The following EYS variants were observed in gnomAD, a reference collection of about 807,000 sequenced individuals.
EYS encodes protein eyes shut homolog.
EYS carries 250 observed loss-of-function variants against 282.1 expected under a neutral mutation model. The ratio of observed to expected loss-of-function variants is 0.89; its 90% CI spans 0.80 to 0.98. The LOEUF is 0.98. EYS is among the 50% of genes least tolerant of loss of function. The probability of loss-of-function intolerance (pLI) is 0.00; values close to 1 mark genes in which losing one functional copy is unlikely to be tolerated. For missense variants in EYS, 4,016 were observed against 3,709.0 expected (o/e 1.08, Z -2.15); for synonymous variants, 1,355 against 1,282.9 (o/e 1.06, Z -1.20).
intron 16 of EYS, among the ~76,000 whole-genome samples, chr6:64,905,135 G>A (rs1767783314): frequency 6.6e-6 from 1 of 152,158 alleles, no homozygotes; most frequent in Non-Finnish European, 1.5e-5. Flanking sequence ...ATCTCATCTA[G>A]GTTTGTGTTA....
At chr6:64,532,581 C>A (rs187492056) in intron 26 of EYS, among the ~76,000 whole-genome samples, 70 of 152,048 alleles carry the variant, frequency 4.6e-4, no homozygotes, top group African/African-American at 1.6e-3. Context: ...TGGTGGCAGG[C>A]GCCCGTAGTC....
chr6:64,811,582 C>G (rs11757912), intron 22 of EYS, among the ~76,000 whole-genome samples: 1 of 152,044 alleles, frequency 6.6e-6, no homozygotes, highest in African/African-American at 2.4e-5. Flanking sequence ...GTGAATAGAC[C>G]TTTAAAATAG....
chr6:64,883,952 A>G (rs541484563), intron 19 of EYS, among the ~76,000 whole-genome samples: 3 of 151,720 alleles, frequency 2.0e-5, no homozygotes, highest in African/African-American at 7.2e-5. Context: ...CCAATTCTAG[A>G]TACCACAAGT....
At chr6:64,191,514 T>G (rs1765109065) in intron 31 of EYS, among the ~76,000 whole-genome samples, 1 of 143,126 alleles carries the variant, frequency 7.0e-6, no homozygotes, top group East Asian at 2.3e-4. Flanking sequence ...GAGTGTGATG[T>G]TCCCCTTCCT....
At chr6:65,578,411 T>C (rs1183480753) in intron 2 of EYS, among the ~76,000 whole-genome samples, 3 of 151,808 alleles carry the variant, frequency 2.0e-5, no homozygotes, top group South Asian at 2.1e-4. Flanking sequence ...GTCAAATTCA[T>C]AGAAACAGAG....
At chr6:64,449,500 A>G (rs533058002) in intron 26 of EYS, among the ~76,000 whole-genome samples, 1 of 152,174 alleles carries the variant, frequency 6.6e-6, no homozygotes, top group Admixed American at 6.5e-5. Context: ...CAGGAAATAC[A>G]GAGAATGCCA....
chr6:64,603,369 A>G (rs1766822364), intron 24 of EYS, among the ~76,000 whole-genome samples: 1 of 151,956 alleles, frequency 6.6e-6, no homozygotes, highest in South Asian at 2.1e-4. Context: ...TGAGACTGAT[A>G]CATAATGAGT....
intron 12 of EYS, among the ~76,000 whole-genome samples, chr6:65,168,028 T>C (rs1299222259): frequency 6.6e-6 from 1 of 151,266 alleles, no homozygotes; most frequent in Non-Finnish European, 1.5e-5. Flanking sequence ...TTTTAAAGTC[T>C]ACCTCAAATG....
At position 64,419,519 on chromosome 6, in the gene EYS, C is replaced by T. The variant is rs138300315; in HGVS notation, c.5927+16655G>A. ...GTCTCATCTGAGACAAGGCAAGTTG[C>T]TTCTGCCTATGAGCCTATAAAATCA... On this transcript the variant is annotated intron_variant, in intron 28 of 42. Transcript: ENST00000503581. Among the ~76,000 whole-genome samples the T allele has an allele frequency of 2.6e-3, 389 of 152,308 alleles. 3 individuals carry two copies. Among genetic ancestry groups the T allele is most frequent in the African/African-American group, 8.7e-3 (363 of 41,580 alleles).
intron 23 of EYS, 37 bp from the exon 24 acceptor site, chr6:64,617,570 T>C: frequency 8.5e-7 from 1 of 1,174,280 alleles, no homozygotes; most frequent in Non-Finnish European, 1.2e-6. Flanking sequence ...ATGCAATTTT[T>C]AATGATAATA....
intron 2 of EYS, 130 bp from the exon 3 acceptor site, chr6:65,496,123 C>G (rs1400561361): frequency 6.6e-6 from 1 of 151,890 alleles, no homozygotes; most frequent in Non-Finnish European, 1.5e-5. Context: ...GATGGGAACT[C>G]CCATATATAT....
At chr6:64,638,047 A>G (rs1409101444) in intron 22 of EYS, among the ~76,000 whole-genome samples, 1 of 91,310 alleles carries the variant, frequency 1.1e-5, no homozygotes, top group East Asian at 2.4e-4. Context: ...AATATACTGA[A>G]CTTAAGGATA....
At chr6:65,310,232 T>C (rs570068674) in intron 11 of EYS, among the ~76,000 whole-genome samples, 1 of 152,204 alleles carries the variant, frequency 6.6e-6, no homozygotes, top group Admixed American at 6.5e-5. Context: ...TAATCCCAGC[T>C]ACTCGGGAGG....
At chr6:64,320,962 T>C (rs1770196998) in intron 29 of EYS, among the ~76,000 whole-genome samples, 1 of 151,796 alleles carries the variant, frequency 6.6e-6, no homozygotes, top group African/African-American at 2.4e-5. Context: ...CTTATAATAA[T>C]GGAATGAACA....
intron 22 of EYS, among the ~76,000 whole-genome samples, chr6:64,762,496 G>A (rs1265308764): frequency 6.6e-6 from 1 of 152,126 alleles, no homozygotes; most frequent in Non-Finnish European, 1.5e-5. Context: ...ACAGGAAATT[G>A]GGGCTTATTC....
chr6:65,601,270 C>G (rs1019607738), intron 2 of EYS, among the ~76,000 whole-genome samples: 3 of 151,792 alleles, frequency 2.0e-5, no homozygotes, highest in African/African-American at 7.2e-5. Flanking sequence ...TTAGCCATAT[C>G]TTTTCATCTG....
Position 63,789,134 on chromosome 6 carries a change from C to G in EYS, c.7502G>C (p.Arg2501Thr), listed in dbSNP as rs1370498451. 1.3e-6 allele frequency: 2 copies of G among 1,551,714 alleles called. No homozygotes were observed. Among genetic ancestry groups the G allele is most frequent in the Admixed American group, 3.9e-5 (2 of 51,010 alleles). ...YNLGSGIASI[R>T]SEPLNLSLGV... Reference sequence around the variant, plus strand: ...AAGGCTCAGATTGAGGGGCTCGCTCCTGATGCTTGCTATGCCAGACCCCAG... The same window carrying G: ...AAGGCTCAGATTGAGGGGCTCGCTCGTGATGCTTGCTATGCCAGACCCCAG... The change falls in exon 38 of 43, where the codon AGG (arginine) becomes ACG (threonine). Residue 2501 changes from arginine to threonine, a missense_variant. Transcript: ENST00000503581.
chr6:65,337,511 TTCTA>T (rs1279836180), intron 10 of EYS, among the ~76,000 whole-genome samples: 7 of 151,292 alleles, frequency 4.6e-5, no homozygotes, highest in African/African-American at 1.7e-4. Flanking sequence ...TACTTTATTT[TTCTA>T]TCTATCTCTA....
Position 63,938,503 on chromosome 6 carries a change from G to A in EYS, c.7055+45880C>T, listed in dbSNP as rs114146867. Among the ~76,000 whole-genome samples, 134 of 152,320 alleles carry A rather than the reference G, an allele frequency of 8.8e-4. 1 individual carries two copies. The highest frequency in any genetic ancestry group is 3.1e-3 in the African/African-American group (130 of 41,588). On this transcript the variant is annotated intron_variant, in intron 35 of 42. Transcript: ENST00000503581. ...CAGGCAGCCCAGTTAGCCATGGGAA[G>A]ACCAGAAGCTATTTTCTTAAATACA...
Sources: allele counts gnomAD v4.1 joint callset (sites outside exome capture counted in the v4.1 genomes callset), GRCh38; gene constraint gnomAD v4.1.1; transcripts MANE v1.5; gene names NCBI Gene and HGNC (gene_info 2026-07-23, HGNC 2026-07-21).